Variants in FBLN2 observed in about 807,000 individuals in gnomAD.
The protein encoded by FBLN2 is fibulin 2, also known as fibulin-2.
In FBLN2, 81 loss-of-function variants were observed where a neutral mutation model predicts 123.7. That is an observed-to-expected ratio of 0.65 (90% CI 0.55 to 0.79). The LOEUF is 0.79. Ranked by LOEUF, FBLN2 falls within the 30% of genes least tolerant of loss-of-function variation. FBLN2 has a pLI of 0.00. For synonymous variants in FBLN2, 699 were observed against 701.4 expected, an observed-to-expected ratio of 1.00 and a Z score of 0.05; for missense variants, 1,603 against 1,681.3, an observed-to-expected ratio of 0.95 and a Z score of 0.81.
intron 16 of FBLN2, among the ~76,000 whole-genome samples, chr3:13,632,530 G>A (rs1009883572): frequency 6.6e-6 from 1 of 152,218 alleles, no homozygotes; most frequent in African/African-American, 2.4e-5. Flanking sequence ...AGATCAAGTC[G>A]ATAGACTTCA....
intron 2 of FBLN2, among the ~76,000 whole-genome samples, chr3:13,604,135 C>G (rs1352457399): frequency 6.6e-6 from 1 of 152,122 alleles, no homozygotes; most frequent in African/African-American, 2.4e-5. Flanking sequence ...GGATATTAGC[C>G]CTTTGTCAGA....
chr3:13,598,378 G>A (rs2124866358), intron 2 of FBLN2, among the ~76,000 whole-genome samples: 1 of 152,330 alleles, frequency 6.6e-6, no homozygotes, highest in East Asian at 1.9e-4. Context: ...AAGTGCCCCA[G>A]CCAGTGAGTG....
chr3:13,616,510 C>T (rs17038341), intron 5 of FBLN2, among the ~76,000 whole-genome samples: 17 of 152,058 alleles, frequency 1.1e-4, no homozygotes, highest in Non-Finnish European at 1.8e-4. Flanking sequence ...GGGACCAGAC[C>T]GCCAGCCATC....
At chr3:13,581,659 A>G (rs960329072) in intron 2 of FBLN2, among the ~76,000 whole-genome samples, 1 of 152,128 alleles carries the variant, frequency 6.6e-6, no homozygotes, top group Non-Finnish European at 1.5e-5. Flanking sequence ...TCCTGCTGCC[A>G]TGGTGGGGAT....
intron 1 of FBLN2, among the ~76,000 whole-genome samples, chr3:13,564,960 C>G (rs1703702130): frequency 6.6e-6 from 1 of 152,204 alleles, no homozygotes; most frequent in Non-Finnish European, 1.5e-5. Context: ...CAGCTGGGGC[C>G]TGAGCCACAT....
chr3:13,591,563 C>T (rs911343654), intron 2 of FBLN2, among the ~76,000 whole-genome samples: 3 of 152,234 alleles, frequency 2.0e-5, no homozygotes, highest in Middle Eastern at 3.2e-3. Flanking sequence ...GCTGGGGTTA[C>T]AGGCGTGAGC....
chr3:13,599,427 G>A (rs1345298319), intron 2 of FBLN2, among the ~76,000 whole-genome samples: 3 of 152,156 alleles, frequency 2.0e-5, no homozygotes, highest in Admixed American at 6.5e-5. Flanking sequence ...GAGTGGGAGA[G>A]TGAGTTAGAG....
At chr3:13,613,752 T>G (rs1705480063) in intron 4 of FBLN2, 1 of 469,304 alleles carries the variant, frequency 2.1e-6, no homozygotes, top group African/African-American at 2.0e-5. Flanking sequence ...GGGTTATAGT[T>G]CCTTCAACTA....
intron 16 of FBLN2, among the ~76,000 whole-genome samples, chr3:13,633,954 A>AACACACACACACACACGCAC (rs1706355496): frequency 8.9e-6 from 1 of 112,830 alleles, no homozygotes; most frequent in African/African-American, 3.5e-5. Flanking sequence ...ACACACTGCA[A>AACACACACACACACACGCAC]ACACACACAC....
chr3:13,593,924 G>A (rs563584696), intron 2 of FBLN2, among the ~76,000 whole-genome samples: 2 of 152,250 alleles, frequency 1.3e-5, no homozygotes, highest in East Asian at 1.9e-4. Context: ...TCTTAAGCCA[G>A]TGTACCTCGT....
chr3:13,632,554 G>A (rs534103969), intron 16 of FBLN2, among the ~76,000 whole-genome samples: 3 of 152,330 alleles, frequency 2.0e-5, no homozygotes, highest in South Asian at 4.1e-4. Flanking sequence ...AGCTGCCTGT[G>A]TTCTCCTTTC....
intron 1 of FBLN2, among the ~76,000 whole-genome samples, chr3:13,567,186 G>A (rs891005358): frequency 1.3e-5 from 2 of 152,148 alleles, no homozygotes; most frequent in Non-Finnish European, 2.9e-5. Flanking sequence ...TGGACTTGGT[G>A]GACCGGGTGG....
chr3:13,605,347 T>C (rs1487157637), intron 2 of FBLN2, among the ~76,000 whole-genome samples: 1 of 152,258 alleles, frequency 6.6e-6, no homozygotes, highest in East Asian at 1.9e-4. Context: ...TCTGCATAGC[T>C]GACAGTTTCA....
At chr3:13,610,897 AATT>A (rs112793079) in intron 4 of FBLN2, among the ~76,000 whole-genome samples, 9,053 of 144,728 alleles carry the variant, frequency 0.063, 913 homozygotes, top group African/African-American at 0.22. Context: ...CCTTGTTTTA[AATT>A]ATTATTATTA....
At position 13,630,723 on chromosome 3, in the gene FBLN2, G is replaced by C; in HGVS notation, c.2993G>C (p.Arg998Pro). Reference sequence around the variant, plus strand: ...GACGTGAATGAGTGTGAGGCCCAGCGCTGCAGCCAGGAGTGTGCCAACATC... The same window carrying C: ...GACGTGAATGAGTGTGAGGCCCAGCCCTGCAGCCAGGAGTGTGCCAACATC... ...CEDVNECEAQRCSQECANIYG... is the reference protein window; with the variant it reads ...CEDVNECEAQPCSQECANIYG... Residue 998 changes from arginine to proline, a missense_variant, in exon 15 of 18, where the codon CGC becomes CCC. Coordinates refer to ENST00000404922, the MANE Select transcript of FBLN2 (RefSeq NM_001004019.2). 1.2e-6 allele frequency: 2 copies of C among 1,608,140 alleles called. No homozygotes were observed. The highest frequency in any genetic ancestry group is 2.2e-5 in the South Asian group (2 of 89,566).
intron 16 of FBLN2, among the ~76,000 whole-genome samples, chr3:13,635,346 A>ACCTT (rs1211809674): frequency 6.6e-6 from 1 of 151,276 alleles, no homozygotes; most frequent in Admixed American, 6.6e-5. Flanking sequence ...CATTTCTAAG[A>ACCTT]CCTTTTGTCC....
Position 13,630,827 on chromosome 3 carries a change from C to A in FBLN2, c.3085+12C>A. On this transcript the variant is annotated intron_variant, in intron 15 of 17. Transcript: ENST00000404922. The stretch of plus-strand genomic sequence containing the variant: ...GCACACCTGCACAGGTACCTCTCCC[C>A]TGTCCAAGGGCCCCCTTCCAGAGAG... The A allele has an allele frequency of 6.4e-7, 1 of 1,572,638 alleles. No homozygotes were observed.
At chr3:13,613,409 C>T (rs1705468138) in intron 4 of FBLN2, among the ~76,000 whole-genome samples, 1 of 152,172 alleles carries the variant, frequency 6.6e-6, no homozygotes, top group African/African-American at 2.4e-5. Context: ...GAAAAGCAGC[C>T]TGGGCTAGCG....
intron 5 of FBLN2, among the ~76,000 whole-genome samples, chr3:13,617,545 C>T (rs926566120): frequency 2.0e-5 from 3 of 147,024 alleles, no homozygotes; most frequent in African/African-American, 7.7e-5. Context: ...CATCCTCCTT[C>T]ATTCATCCAC....
Sources: gnomAD v4.1 joint callset for allele counts (sites outside exome capture counted in the v4.1 genomes callset) on GRCh38, gnomAD v4.1.1 for gene constraint, MANE v1.5 for transcripts, NCBI Gene and HGNC (gene_info 2026-07-23, HGNC 2026-07-21) for gene names.